The following WWOX variants were observed in gnomAD, a reference collection of about 807,000 sequenced individuals.
The protein encoded by WWOX is WW domain-containing oxidoreductase.
A neutral mutation model predicts 46.2 loss-of-function variants in WWOX; 69 were observed. That is an observed-to-expected ratio of 1.49 (90% CI 1.23 to 1.82). WWOX has a LOEUF of 1.82. Ranked by LOEUF, WWOX falls within the 40% of genes most tolerant of loss-of-function variation. The pLI is 0.00. For synonymous variants in WWOX, 359 were observed against 202.6 expected (o/e 1.77, Z -6.56); for missense variants, 919 against 542.6 (o/e 1.69, Z -6.89).
At chr16:78,567,605 G>C (rs972068003) in intron 8 of WWOX, among the ~76,000 whole-genome samples, 1 of 148,214 alleles carries the variant, frequency 6.7e-6, no homozygotes, top group Non-Finnish European at 1.5e-5. Flanking sequence ...TATTCTGAAA[G>C]GTTCCCAAGC....
chr16:78,951,569 A>G (rs1185131205), intron 8 of WWOX, among the ~76,000 whole-genome samples: 3 of 152,136 alleles, frequency 2.0e-5, no homozygotes, highest in African/African-American at 4.8e-5. Context: ...AAAAGACAAA[A>G]ACAACAGGGC....
At chr16:78,735,329 T>A (rs1407321684) in intron 8 of WWOX, among the ~76,000 whole-genome samples, 1 of 151,666 alleles carries the variant, frequency 6.6e-6, no homozygotes, top group East Asian at 1.9e-4. Context: ...TATCTATCAA[T>A]CCATTGGTCA....
At chr16:78,338,522 A>G (rs4888781) in intron 5 of WWOX, among the ~76,000 whole-genome samples, 27,647 of 120,866 alleles carry the variant, frequency 0.23, 8,949 homozygotes, top group African/African-American at 0.38. Context: ...TACAGAGAGA[A>G]ATTCTGTAGT....
At chr16:78,519,873 C>A (rs909732478) in intron 8 of WWOX, among the ~76,000 whole-genome samples, 1 of 152,136 alleles carries the variant, frequency 6.6e-6, no homozygotes, top group African/African-American at 2.4e-5. Flanking sequence ...ACTCATAAGC[C>A]ACCTAAGTTA....
At chr16:79,047,080 C>G (rs774570493) in intron 8 of WWOX, among the ~76,000 whole-genome samples, 14 of 152,212 alleles carry the variant, frequency 9.2e-5, no homozygotes, top group Non-Finnish European at 1.0e-4. Context: ...TATTGCTTCT[C>G]CTTTCAACCA....
chr16:78,513,831 C>G (rs925725043), intron 8 of WWOX, among the ~76,000 whole-genome samples: 2 of 151,918 alleles, frequency 1.3e-5, no homozygotes, highest in African/African-American at 4.8e-5. Context: ...GTCTTGGAAT[C>G]AACCTTACAG....
chr16:78,753,428 C>T (rs1008875703), intron 8 of WWOX, among the ~76,000 whole-genome samples: 39 of 152,198 alleles, frequency 2.6e-4, no homozygotes, highest in Admixed American at 1.8e-3. Flanking sequence ...ACCAGTCACC[C>T]CTGTGTCTTA....
At chr16:79,012,094 A>G (rs1363598036) in intron 8 of WWOX, among the ~76,000 whole-genome samples, 1 of 152,146 alleles carries the variant, frequency 6.6e-6, no homozygotes, top group Non-Finnish European at 1.5e-5. Context: ...ACTGGGTAGG[A>G]GGCTTTTGCA....
At chr16:78,839,091 A>G (rs922813185) in intron 8 of WWOX, among the ~76,000 whole-genome samples, 5 of 151,848 alleles carry the variant, frequency 3.3e-5, no homozygotes, top group African/African-American at 1.2e-4. Flanking sequence ...TTGCTGTATT[A>G]TTTCTTGACT....
chr16:78,867,032 C>T (rs1035272294), intron 8 of WWOX, among the ~76,000 whole-genome samples: 1 of 152,152 alleles, frequency 6.6e-6, no homozygotes, highest in Non-Finnish European at 1.5e-5. Context: ...TCTAGTCCTT[C>T]TTGACTTTGT....
chr16:78,328,574 T>G (rs933314538), intron 5 of WWOX, among the ~76,000 whole-genome samples: 1 of 152,222 alleles, frequency 6.6e-6, no homozygotes, highest in African/African-American at 2.4e-5. Context: ...ATTGTAGGCC[T>G]GTATTCAAAG....
At chr16:79,186,988 C>T (rs760761566) in intron 8 of WWOX, among the ~76,000 whole-genome samples, 2 of 152,050 alleles carry the variant, frequency 1.3e-5, no homozygotes, top group African/African-American at 4.8e-5. Flanking sequence ...ATTTCAAAAG[C>T]CAGAAGTGCT....
chr16:78,397,944 A>G (rs937826539), intron 6 of WWOX, among the ~76,000 whole-genome samples: 4 of 152,154 alleles, frequency 2.6e-5, no homozygotes, highest in African/African-American at 9.7e-5. Flanking sequence ...TTTCCAACCA[A>G]TCAAGAGGGT....
chr16:79,061,324 C>G (rs935615729), intron 8 of WWOX, among the ~76,000 whole-genome samples: 13 of 152,160 alleles, frequency 8.5e-5, no homozygotes, highest in South Asian at 4.1e-4. Flanking sequence ...CCGGCACTGA[C>G]TGGTGATGAA....
At chr16:78,357,749 C>G (rs1472367869) in intron 5 of WWOX, among the ~76,000 whole-genome samples, 1 of 152,060 alleles carries the variant, frequency 6.6e-6, no homozygotes, top group Non-Finnish European at 1.5e-5. Flanking sequence ...TATTTATTAC[C>G]TAATTTATAG....
chr16:78,586,148 G>C (rs538737623), intron 8 of WWOX, among the ~76,000 whole-genome samples: 1 of 152,128 alleles, frequency 6.6e-6, no homozygotes, highest in African/African-American at 2.4e-5. Context: ...TTTGAGCCCC[G>C]GAGTTCAAGA....
intron 6 of WWOX, among the ~76,000 whole-genome samples, chr16:78,407,442 T>G (rs1481774218): frequency 6.6e-6 from 1 of 152,222 alleles, no homozygotes; most frequent in Non-Finnish European, 1.5e-5. Context: ...ATCTTAACAT[T>G]CAGAAGAGTG....
intron 8 of WWOX, among the ~76,000 whole-genome samples, chr16:78,560,891 A>G (rs1162354591): frequency 6.6e-6 from 1 of 151,992 alleles, no homozygotes; most frequent in Non-Finnish European, 1.5e-5. Context: ...TGTGTAACAA[A>G]TGACCACACA....
At chr16:78,101,205 G>A (rs1378809461) in intron 1 of WWOX, among the ~76,000 whole-genome samples, 10 of 151,260 alleles carry the variant, frequency 6.6e-5, no homozygotes, top group African/African-American at 1.9e-4. Context: ...CCGCCACCAC[G>A]CCCGGCTAAG....
Sources: gnomAD v4.1 joint callset for allele counts (sites outside exome capture counted in the v4.1 genomes callset) on GRCh38, gnomAD v4.1.1 for gene constraint, MANE v1.5 for transcripts, NCBI Gene and HGNC (gene_info 2026-07-23, HGNC 2026-07-21) for gene names.